MYO1G: variants seen among roughly 807,000 people sequenced by gnomAD.
MYO1G encodes the protein myosin IG, also known as unconventional myosin-Ig.
In MYO1G, 65 loss-of-function variants were observed where a neutral mutation model predicts 115.3. The observed-to-expected ratio is 0.56, with a 90% CI of 0.46 to 0.69. MYO1G has a LOEUF of 0.69. Among genes scored for constraint, MYO1G ranks in the 30% least tolerant of loss-of-function variants. MYO1G has a pLI of 0.00. For synonymous variants in MYO1G, 510 were observed against 552.6 expected (o/e 0.92, Z 1.08); for missense variants, 1,204 against 1,393.5 (o/e 0.86, Z 2.16).
At position 44,963,842 on chromosome 7, in the gene MYO1G, T is replaced by G; in HGVS notation, c.2745+207A>C. ...GAGTGGGGGTGGGGGGTGACTGGGC[T>G]GGTGGGGATCACAGGATGGGACCTT... On this transcript the variant is annotated intron_variant, in intron 20 of 21. Coordinates refer to ENST00000258787, the MANE Select transcript of MYO1G (RefSeq NM_033054.3). The surrounding 1 kb of genome is among the most constrained non-coding windows in gnomAD (Gnocchi z 4.1). 3.5e-6 allele frequency: 2 copies of G among 570,866 alleles called. No homozygotes were observed. Among genetic ancestry groups the G allele is most frequent in the Non-Finnish European group, 6.3e-6 (2 of 316,572 alleles). The allele number at this position is 570,866 out of a possible 1,614,324, so 35.4% of individuals were successfully genotyped here.
chr7:44,966,400 T>C lies in MYO1G; in HGVS notation c.1950-120A>G. 1 of 934,626 alleles carries C rather than the reference T, an allele frequency of 1.1e-6. No individual in the cohort carries two copies. Among genetic ancestry groups the C allele is most frequent in the Non-Finnish European group, 1.7e-6 (1 of 600,874 alleles). The allele number at this position is 934,626 out of a possible 1,614,324, so 57.9% of individuals were successfully genotyped here. ...ACAGAGTGTGTTCCTGGAGCACTTATGACACCTGTGCACATATGTCTTCCC... is the reference window on the plus strand; with the variant it reads ...ACAGAGTGTGTTCCTGGAGCACTTACGACACCTGTGCACATATGTCTTCCC... On this transcript the variant is annotated intron_variant, in intron 15 of 21. Coordinates refer to ENST00000258787, the MANE Select transcript of MYO1G (RefSeq NM_033054.3). The surrounding 1 kb of genome is among the most constrained non-coding windows in gnomAD (Gnocchi z 5.0).
Position 44,963,308 on chromosome 7 carries a change from G to A in MYO1G, c.2746-184C>T. The A allele has an allele frequency of 1.6e-6, 1 of 618,088 alleles. No individual in the cohort carries two copies. The highest frequency in any genetic ancestry group is 2.6e-6 in the Non-Finnish European group (1 of 378,574). 38.3% of individuals were successfully genotyped at this position (618,088 alleles called of 1,614,324 possible). On this transcript the variant is annotated intron_variant, in intron 20 of 21. Coordinates refer to ENST00000258787, the MANE Select transcript of MYO1G (RefSeq NM_033054.3). The surrounding 1 kb of genome is among the most constrained non-coding windows in gnomAD (Gnocchi z 4.1). ...CTCGGGGCCCTGCTGACAGGGGGAA[G>A]CTTGGGCGGGACGCTGCACAATACG...
Position 44,963,098 on chromosome 7 carries a change from T to A in MYO1G, c.2772A>T (p.Gly924=). 3 of 1,513,002 alleles carry A rather than the reference T, an allele frequency of 2.0e-6. No homozygotes were observed. Among genetic ancestry groups the A allele is most frequent in the Non-Finnish European group, 2.6e-6 (3 of 1,136,488 alleles). The allele number at this position is 1,513,002 out of a possible 1,614,324, so 93.7% of individuals were successfully genotyped here. The change falls in exon 21 of 22, where the codon GGA becomes GGT. Residue 924 remains glycine, a synonymous_variant. Coordinates refer to ENST00000258787, the MANE Select transcript of MYO1G (RefSeq NM_033054.3). The surrounding 1 kb of genome is among the most constrained non-coding windows in gnomAD (Gnocchi z 4.1). The part of the protein sequence containing the change: ...EAVTGLSVTS[G]GDQLVVLHAR... ...CGTGCAGCACCACCAGCTGGTCTCC[T>A]CCGCTGGTCACGCTCAGCCCCGTCA...
rs373159280 is a variant in MYO1G at position 44,976,978 on chromosome 7, G to A, written c.189C>T (p.Ile63=). 2.5e-5 allele frequency: 40 copies of A among 1,613,678 alleles called. No individual in the cohort carries two copies. The Admixed American group carries it at 4.2e-4, about 17-fold the overall frequency. ...QELPLYGPEA[I]ARYQGRELYE... ...AGAGCTCACGGCCCTGGTACCTGGC[G>A]ATGGCCTCAGGCCCATACAGGGGCA... Residue 63 remains isoleucine (I), a synonymous_variant, in exon 2 of 22, where the codon ATC becomes ATT. Coordinates refer to ENST00000258787, the MANE Select transcript of MYO1G (RefSeq NM_033054.3).
In MYO1G at chr7:44,964,836, C is replaced by T. The variant is rs1430527896; in HGVS notation, c.2526+109G>A. 7.5e-6 allele frequency: 11 copies of T among 1,472,838 alleles called. No individual in the cohort carries two copies. Among genetic ancestry groups the T allele is most frequent in the African/African-American group, 7.0e-5 (5 of 71,190 alleles). The allele number at this position is 1,472,838 out of a possible 1,614,324, so 91.2% of individuals were successfully genotyped here. On this transcript the variant is annotated intron_variant, in intron 18 of 21. Coordinates refer to ENST00000258787, the MANE Select transcript of MYO1G (RefSeq NM_033054.3). The surrounding 1 kb of genome is among the most constrained non-coding windows in gnomAD (Gnocchi z 5.1). The stretch of plus-strand genomic sequence containing the variant: ...GGTACAGGGCCACCAGGACAGACAA[C>T]CCCAGGCCTGGGAGAGGACATCTGA...
chr7:44,978,813 G>T, intron 1 of MYO1G, 54 bp downstream of exon 1: 1 of 1,533,556 alleles, frequency 6.5e-7, no homozygotes, highest in Non-Finnish European at 9.0e-7. Flanking sequence ...CTGCGAGGAC[G>T]CAAGGTGGGA....
chr7:44,967,498 C>T (rs973060923), intron 14 of MYO1G, 107 bp downstream of exon 14: 11 of 1,450,130 alleles, frequency 7.6e-6, no homozygotes, highest in Admixed American at 1.8e-5. Context: ...GACAAGAACC[C>T]TCTCCCCACC....
intron 1 of MYO1G, among the ~76,000 whole-genome samples, 186 bp from the exon 2 acceptor site, chr7:44,977,257 T>C (rs1304778820): frequency 1.3e-5 from 2 of 152,356 alleles, no homozygotes; most frequent in East Asian, 3.9e-4. Flanking sequence ...CTGGGTGAGC[T>C]GAGCCACTCA....
Position 44,966,936 on chromosome 7 carries a change from A to G in MYO1G, c.1783-98T>C. On this transcript the variant is annotated intron_variant, in intron 14 of 21. Coordinates refer to ENST00000258787, the MANE Select transcript of MYO1G (RefSeq NM_033054.3). This position sits in a 1 kb window ranked among gnomAD's most constrained non-coding sequence, Gnocchi z 5.0. The stretch of plus-strand genomic sequence containing the variant: ...TCCTAACCCCTCAAGGTCCCAGGCC[A>G]GGAGAAGAGTTGGGAACAAAGAAGG... 2 of 1,303,328 alleles carry G rather than the reference A, an allele frequency of 1.5e-6. No individual in the cohort carries two copies. Among genetic ancestry groups the G allele is most frequent in the Non-Finnish European group, 2.1e-6 (2 of 950,148 alleles). The allele number at this position is 1,303,328 out of a possible 1,614,324, so 80.7% of individuals were successfully genotyped here.
intron 14 of MYO1G, among the ~76,000 whole-genome samples, 161 bp downstream of exon 14, chr7:44,967,444 T>C (rs1794866809): frequency 6.6e-6 from 1 of 152,110 alleles, no homozygotes. Context: ...ACCTGTGCAG[T>C]GGGTGGGGTC....
intron 5 of MYO1G, 81 bp downstream of exon 5, chr7:44,975,093 G>A (rs1795023774): frequency 1.4e-6 from 2 of 1,436,580 alleles, no homozygotes; most frequent in Non-Finnish European, 9.8e-7. Flanking sequence ...GGTAGTGATG[G>A]AAGGGTCACA....
chr7:44,973,085 G>A (rs1450431095), intron 5 of MYO1G: 3 of 152,206 alleles, frequency 2.0e-5, no homozygotes. Context: ...CCATGTCCGA[G>A]GGAGCTCCCA....
In MYO1G at chr7:44,976,957, C is replaced by T. The variant is rs767024549; in HGVS notation, c.210G>A (p.Glu70=). 3 of 1,613,674 alleles carry T rather than the reference C, an allele frequency of 1.9e-6. No individual in the cohort carries two copies. The highest frequency in any genetic ancestry group is 2.5e-6 in the Non-Finnish European group (3 of 1,180,036). Reference sequence around the variant, plus strand: ...AGAGATGGGGTGGCCGCTCATAGAGCTCACGGCCCTGGTACCTGGCGATGG... The same window carrying T: ...AGAGATGGGGTGGCCGCTCATAGAGTTCACGGCCCTGGTACCTGGCGATGG... ...PEAIARYQGR[E]LYERPPHLYA... is the part of the protein sequence containing the mutation. The change falls in exon 2 of 22, where the codon GAG becomes GAA. Residue 70 remains glutamate (E), a synonymous_variant. Coordinates refer to ENST00000258787, the MANE Select transcript of MYO1G (RefSeq NM_033054.3).
In MYO1G at chr7:44,969,453, C is replaced by A; in HGVS notation, c.1534G>T (p.Gly512Cys). The A allele has an allele frequency of 6.2e-7, 1 of 1,613,912 alleles. No individual in the cohort carries two copies. Among genetic ancestry groups the A allele is most frequent in the Non-Finnish European group, 8.5e-7 (1 of 1,180,000 alleles). ...LCPTDKTMEF[G>C]RDFRIKHYAG... ...TAGTGCTTGATCCGGAAGTCTCGGC[C>A]AAACTCCATGGTCTTGTCTGTGGGG... The change falls in exon 12 of 22, where the codon GGC (glycine) becomes TGC (cysteine). Residue 512 changes from glycine to cysteine, a missense_variant. Gly to Cys is a radical substitution (Grantham distance 159, BLOSUM62 -3). Coordinates refer to ENST00000258787, the MANE Select transcript of MYO1G (RefSeq NM_033054.3). This position sits in a 1 kb window ranked among gnomAD's most constrained non-coding sequence, Gnocchi z 5.0.
Position 44,963,909 on chromosome 7 carries a change from C to G in MYO1G, c.2745+140G>C. The G allele has an allele frequency of 1.4e-6, 1 of 696,942 alleles. No homozygotes were observed. The highest frequency in any genetic ancestry group is 2.4e-6 in the Non-Finnish European group (1 of 409,342). 43.2% of individuals were successfully genotyped at this position (696,942 alleles called of 1,614,324 possible). A position where few individuals can be genotyped will look rare whatever the true frequency, so the allele number is the denominator to read the frequency against. The stretch of plus-strand genomic sequence containing the variant: ...GGAAGCCACTGCAGGATTTTCAGCA[C>G]GGGTGCCACCATCGCTGAGTTTTAG... On this transcript the variant is annotated intron_variant, in intron 20 of 21. Transcript: ENST00000258787. The surrounding 1 kb of genome is among the most constrained non-coding windows in gnomAD (Gnocchi z 4.1).
At chr7:44,972,251 C>A (rs750226221) in intron 5 of MYO1G, 26 bp from the exon 6 acceptor site, 2 of 1,541,808 alleles carry the variant, frequency 1.3e-6, no homozygotes, top group Non-Finnish European at 1.8e-6. Flanking sequence ...ATCCTTTAGA[C>A]AAATAAGCTC....
chr7:44,975,454 C>T (rs1443492360), intron 4 of MYO1G, 30 bp downstream of exon 4: 1 of 1,590,636 alleles, frequency 6.3e-7, no homozygotes, highest in African/African-American at 1.3e-5. Flanking sequence ...CAGGGCTCCC[C>T]ATGGAGGTCT....
Position 44,964,985 on chromosome 7 carries a change from C to T in MYO1G, c.2486G>A (p.Trp829Ter), listed in dbSNP as rs1189053185. 6.2e-7 allele frequency: 1 copy of T among 1,608,160 alleles called. No homozygotes were observed. The highest frequency in any genetic ancestry group is 8.5e-7 in the Non-Finnish European group (1 of 1,176,050). The change falls in exon 18 of 22, where the codon TGG becomes TAG. Residue 829 changes from tryptophan (W) to a stop codon, truncating the protein, a stop_gained. Transcript: ENST00000258787. LOFTEE classifies it high-confidence loss of function. The surrounding 1 kb of genome is among the most constrained non-coding windows in gnomAD (Gnocchi z 5.1). ...TCGGGCCCAGGCCCGTCGGCAGCCC[C>T]AGTCCTGACGAAGCCCTTGCAGGGC... ...MGALQGLRQD[W>*]GCRRAWARDY...
intron 9 of MYO1G, 132 bp downstream of exon 9, chr7:44,970,460 A>G: frequency 8.2e-7 from 1 of 1,218,282 alleles, no homozygotes; most frequent in African/African-American, 1.5e-5. Context: ...GGGAGGCATG[A>G]GCCTTGGGCC....
Sources: allele counts gnomAD v4.1 joint callset (sites outside exome capture counted in the v4.1 genomes callset), GRCh38; gene constraint gnomAD v4.1.1; non-coding constraint Gnocchi (gnomAD v3.1); transcripts MANE v1.5; gene names NCBI Gene and HGNC (gene_info 2026-07-23, HGNC 2026-07-21).